Variants in TRIM61 observed in about 807,000 individuals in gnomAD.
The protein encoded by TRIM61 is tripartite motif containing 61, also known as putative tripartite motif-containing protein 61.
In TRIM61, 1 loss-of-function variant was observed where a neutral mutation model predicts 14.2. The observed-to-expected ratio is 0.07, with a 90% CI of 0.03 to 0.33. The LOEUF (loss-of-function observed/expected upper bound fraction) is 0.33, where lower values mean the gene tolerates loss of function less well. TRIM61 is among the 10% of genes least tolerant of loss of function. The pLI is 0.99. For missense variants in TRIM61, 19 were observed against 202.2 expected, an observed-to-expected ratio of 0.09 and a Z score of 5.49; for synonymous variants, 8 against 71.6, an observed-to-expected ratio of 0.11 and a Z score of 4.49.
chr4:164,975,401 T>C (rs1372374944), intron 2 of TRIM61, among the ~76,000 whole-genome samples: 1 of 152,158 alleles, frequency 6.6e-6, no homozygotes, highest in Non-Finnish European at 1.5e-5. Context: ...AGACTGTCAC[T>C]GTGTGTCTAT....
chr4:164,966,838 A>G (rs955971521), intron 3 of TRIM61, among the ~76,000 whole-genome samples: 2 of 152,150 alleles, frequency 1.3e-5, no homozygotes, highest in Non-Finnish European at 2.9e-5. Context: ...GAGGCTCCAG[A>G]ACTGCTTGGA....
chr4:164,955,568 CAAA>C (rs10716862), intron 3 of TRIM61, among the ~76,000 whole-genome samples: 1,432 of 77,226 alleles, frequency 0.019, 16 homozygotes, highest in African/African-American at 0.059. Flanking sequence ...GATTCAGTCT[CAAA>C]AAAAAAAAAA....
chr4:164,963,758 AAAAG>A (rs1380922721), intron 3 of TRIM61, among the ~76,000 whole-genome samples: 10 of 152,022 alleles, frequency 6.6e-5, no homozygotes, highest in African/African-American at 2.4e-4. Context: ...AAAAAAAAAA[AAAAG>A]AAATCACACA....
intron 3 of TRIM61, chr4:164,969,282 A>T (rs1732307312): frequency 9.6e-6 from 14 of 1,456,066 alleles, no homozygotes; most frequent in Non-Finnish European, 1.3e-5. Flanking sequence ...GACTTCACAT[A>T]TATGCTCTCT....
intron 3 of TRIM61, among the ~76,000 whole-genome samples, chr4:164,959,987 G>T (rs1034624980): frequency 6.6e-6 from 1 of 152,164 alleles, no homozygotes; most frequent in African/African-American, 2.4e-5. Flanking sequence ...GGTCATTAGG[G>T]TGGGCCTTAA....
At chr4:164,965,446 CTTTTT>C (rs70952674) in intron 3 of TRIM61, among the ~76,000 whole-genome samples, 17 of 126,290 alleles carry the variant, frequency 1.3e-4, no homozygotes, top group Admixed American at 3.2e-4. Context: ...TCTGCCTATG[CTTTTT>C]TTTTTTTTTT....
At chr4:164,964,076 G>A (rs555962622) in intron 3 of TRIM61, among the ~76,000 whole-genome samples, 3 of 151,834 alleles carry the variant, frequency 2.0e-5, no homozygotes, top group African/African-American at 2.4e-5. Context: ...ATGGCCGGGC[G>A]CGGTGGCTCA....
At chr4:164,957,240 C>T in intron 3 of TRIM61, 1 of 1,604,276 alleles carries the variant, frequency 6.2e-7, no homozygotes, top group Non-Finnish European at 8.5e-7. Flanking sequence ...CAACAGCGGT[C>T]GCTCCACCAA....
At chr4:164,967,926 T>C (rs1579147183) in intron 3 of TRIM61, among the ~76,000 whole-genome samples, 2 of 150,718 alleles carry the variant, frequency 1.3e-5, no homozygotes, top group South Asian at 4.2e-4. Flanking sequence ...CCGAGGCAGG[T>C]GAATCACTGG....
intron 3 of TRIM61, chr4:164,955,176 T>G (rs548076568): frequency 6.3e-6 from 1 of 159,586 alleles, no homozygotes; most frequent in South Asian, 1.5e-4. Flanking sequence ...TTTGGTTCAC[T>G]CTTTACTCTG....
intron 2 of TRIM61, among the ~76,000 whole-genome samples, chr4:164,971,144 G>A (rs1560887365): frequency 1.3e-5 from 2 of 152,116 alleles, no homozygotes; most frequent in Non-Finnish European, 2.9e-5. Context: ...GAGATTCTTA[G>A]TATGGACTGT....
chr4:164,970,519 A>T (rs576601152), intron 2 of TRIM61, among the ~76,000 whole-genome samples, 180 bp from the exon 3 acceptor site: 1 of 152,220 alleles, frequency 6.6e-6, no homozygotes, highest in African/African-American at 2.4e-5. Context: ...ACTAAAAAAT[A>T]TGGGACAAAC....
intron 2 of TRIM61, among the ~76,000 whole-genome samples, chr4:164,970,854 T>A (rs1447491632): frequency 6.6e-6 from 1 of 151,722 alleles, no homozygotes; most frequent in African/African-American, 2.4e-5. Flanking sequence ...AATCCCAGCA[T>A]TTTGGGGGGC....
intron 3 of TRIM61, among the ~76,000 whole-genome samples, chr4:164,960,275 T>A (rs1176792190): frequency 6.6e-6 from 1 of 152,094 alleles, no homozygotes; most frequent in African/African-American, 2.4e-5. Flanking sequence ...CTGGACACGA[T>A]GGTTCATGCT....
intron 2 of TRIM61, among the ~76,000 whole-genome samples, chr4:164,972,250 C>G (rs575925595): frequency 6.6e-6 from 1 of 152,050 alleles, no homozygotes. Context: ...TTTTTTGAAT[C>G]GCATTTCTTT....
At chr4:164,972,688 C>T (rs1050427109) in intron 2 of TRIM61, among the ~76,000 whole-genome samples, 3 of 152,202 alleles carry the variant, frequency 2.0e-5, no homozygotes, top group South Asian at 4.1e-4. Flanking sequence ...AGGGTTTCGC[C>T]ATGTTGTCCA....
chr4:164,968,773 T>C (rs1391904897), intron 3 of TRIM61: 1 of 977,496 alleles, frequency 1.0e-6, no homozygotes, highest in Non-Finnish European at 1.2e-6. Flanking sequence ...TAGGAATTAC[T>C]TGTGGCAGCA....
At chr4:164,958,108 G>A (rs2111131598) in intron 3 of TRIM61, 1 of 167,180 alleles carries the variant, frequency 6.0e-6, no homozygotes, top group Middle Eastern at 3.4e-3. Flanking sequence ...ATTACCAGGA[G>A]GAAGAGAAAG....
At chr4:164,959,898 T>C (rs1469174621) in intron 3 of TRIM61, among the ~76,000 whole-genome samples, 1 of 152,168 alleles carries the variant, frequency 6.6e-6, no homozygotes, top group East Asian at 1.9e-4. Flanking sequence ...CGAAAAAGTA[T>C]GTTGAAGGGC....
Sources: gnomAD v4.1 joint callset for allele counts (sites outside exome capture counted in the v4.1 genomes callset) on GRCh38, gnomAD v4.1.1 for gene constraint, MANE v1.5 for transcripts, NCBI Gene and HGNC (gene_info 2026-07-23, HGNC 2026-07-21) for gene names.